The following HLTF variants were observed in gnomAD, a reference collection of about 807,000 sequenced individuals.
HLTF encodes helicase like transcription factor, also known as DNA-dependent ATPase/E3 ubiquitin-protein ligase HLTF.
A neutral mutation model predicts 129.4 loss-of-function variants in HLTF; 127 were observed. The ratio of observed to expected loss-of-function variants is 0.98; its 90% confidence interval spans 0.85 to 1.14. The LOEUF is 1.14. Among genes scored for constraint, HLTF ranks in the 50% most tolerant of loss-of-function variants. The pLI is 0.00. For missense variants in HLTF, 1,139 were observed against 1,187.1 expected (o/e 0.96, Z 0.60); for synonymous variants, 332 against 388.8 (o/e 0.85, Z 1.72).
At chr3:149,062,035 T>A (rs2108020683) in intron 10 of HLTF, among the ~76,000 whole-genome samples, 1 of 152,318 alleles carries the variant, frequency 6.6e-6, no homozygotes, top group East Asian at 1.9e-4. Flanking sequence ...TGCCTAGCTT[T>A]AAATCCTCAT....
chr3:149,082,904 T>C (rs1459701126), intron 2 of HLTF, among the ~76,000 whole-genome samples: 1 of 152,160 alleles, frequency 6.6e-6, no homozygotes, highest in African/African-American at 2.4e-5. Flanking sequence ...GAAGATAAGT[T>C]ATGGTTCTGG....
chr3:149,032,319 CT>C lies in HLTF; in HGVS notation c.2930del (p.Lys977ArgfsTer19), dbSNP rs1375295600. On this transcript the variant is annotated frameshift_variant, in exon 25 of 25. Coordinates refer to ENST00000310053, the MANE Select transcript of HLTF (RefSeq NM_003071.4). LOFTEE classifies it high-confidence loss of function. ...CAAAGGCTCCTGCTGCAAGTTCTCT[CT>C]TTTTGTTTTGTATTTTCAGCATATT... ...EENMLKIQNKKRELAAGAFGT... is the reference protein window; with the variant it reads ...EENMLKIQNKXRELAAGAFGT... 1.9e-6 allele frequency: 3 copies of C among 1,595,108 alleles called. No individual in the cohort carries two copies. The highest frequency in any genetic ancestry group is 8.5e-7 in the Non-Finnish European group (1 of 1,171,252).
At position 149,042,212 on chromosome 3, in the gene HLTF, G is replaced by T. The variant is rs1215353387; in HGVS notation, c.2151C>A (p.Cys717Ter). The T allele has an allele frequency of 3.4e-5, 55 of 1,613,226 alleles. No homozygotes were observed. Among genetic ancestry groups the T allele is most frequent in the Non-Finnish European group, 4.7e-5 (55 of 1,179,288 alleles). Residue 717 changes from cysteine (C) to a stop codon, truncating the protein, a stop_gained, in exon 19 of 25, where the codon TGC (cysteine) becomes TGA (stop). Transcript: ENST00000310053. LOFTEE classifies it high-confidence loss of function. ...CTGCATTTGTAAGAAGGTAAGTATG[G>T]CAACAAATTTGCCGCAGTCTAAGCA... The part of the protein sequence containing the change: ...GLLLRLRQIC[C>*]HTYLLTNAVS...
chr3:149,064,262 T>C (rs984505037), intron 9 of HLTF, among the ~76,000 whole-genome samples: 5 of 152,176 alleles, frequency 3.3e-5, no homozygotes, highest in African/African-American at 1.2e-4. Context: ...ACTTAAGTAA[T>C]AGCACCAATT....
At chr3:149,055,475 A>C (rs1717357430) in intron 13 of HLTF, 75 bp from the exon 14 acceptor site, 3 of 895,326 alleles carry the variant, frequency 3.4e-6, no homozygotes, top group Non-Finnish European at 5.5e-6. Flanking sequence ...GATGGCAATA[A>C]TGTGCCTCCA....
In HLTF at chr3:149,060,819, T is replaced by C. The variant is rs1188699055; in HGVS notation, c.1200A>G (p.Ser400=). Residue 400 remains serine, a synonymous_variant, in exon 11 of 25, where the codon TCA becomes TCG. Transcript: ENST00000310053. ...GCAATTCACTTGTTTCAATTTCCTC[T>C]GAATCACTGCTTTCTATGTACTGGA... is the stretch of plus-strand genomic sequence containing the variant. ...TAVQYIESSD[S]EEIETSELPQ... 1.5e-5 allele frequency: 24 copies of C among 1,613,606 alleles called. No homozygotes were observed. Among genetic ancestry groups the C allele is most frequent in the Admixed American group, 6.7e-5 (4 of 59,996 alleles).
At chr3:149,039,823 C>CA (rs1442980107) in intron 21 of HLTF, 130 bp from the exon 22 acceptor site, 1 of 666,882 alleles carries the variant, frequency 1.5e-6, no homozygotes, top group East Asian at 3.0e-5. Context: ...TCATTTAAAA[C>CA]AAAAAATTAA....
chr3:149,039,015 C>T lies in HLTF; in HGVS notation c.2796+34G>A, dbSNP rs141065324. The T allele has an allele frequency of 6.8e-4, 898 of 1,320,904 alleles. 4 individuals carry two copies. The African/African-American group carries it at 0.012, about 18-fold the overall frequency. 81.8% of individuals were successfully genotyped at this position (1,320,904 alleles called of 1,614,324 possible). A position where few individuals can be genotyped will look rare whatever the true frequency, so the allele number is the denominator to read the frequency against. Reference sequence around the variant, plus strand: ...TTGTCTTATTTTTTTGAAAGAAGTACTAAGATTCTGAAAAAATTTACAGAA... The same window carrying T: ...TTGTCTTATTTTTTTGAAAGAAGTATTAAGATTCTGAAAAAATTTACAGAA... On this transcript the variant is annotated intron_variant, in intron 23 of 24. Transcript: ENST00000310053.
At chr3:149,050,430 T>G in intron 14 of HLTF, 55 bp from the exon 15 acceptor site, 1 of 1,253,502 alleles carries the variant, frequency 8.0e-7, no homozygotes, top group Non-Finnish European at 1.1e-6. Context: ...TCAGACTTAA[T>G]AGATGTATAA....
At chr3:149,042,639 C>G (rs1217139941) in intron 18 of HLTF, among the ~76,000 whole-genome samples, 1 of 152,008 alleles carries the variant, frequency 6.6e-6, no homozygotes, top group Non-Finnish European at 1.5e-5. Flanking sequence ...AGGGTGCATG[C>G]TTGGTGACTT....
Position 149,084,779 on chromosome 3 carries a change from G to A in HLTF, c.131C>T (p.Pro44Leu), listed in dbSNP as rs1237542155. ...ATCACTAGTTAGAAAGTCATCTGGA[G>A]GGATAACATCTTGGAATTCAAAACG... ...FPRFEFQDVI[P>L]PDDFLTSDEE... is the part of the protein sequence containing the mutation. The change falls in exon 2 of 25, where the codon CCT becomes CTT. Residue 44 changes from proline (P) to leucine (L), a missense_variant. Physicochemically the swap from Pro to Leu is moderately conservative, Grantham distance 98. Transcript: ENST00000310053. The A allele has an allele frequency of 1.9e-6, 3 of 1,614,018 alleles. No individual in the cohort carries two copies. The highest frequency in any genetic ancestry group is 1.7e-6 in the Non-Finnish European group (2 of 1,179,930).
chr3:149,083,284 C>T (rs542538316), intron 2 of HLTF, among the ~76,000 whole-genome samples: 4 of 151,400 alleles, frequency 2.6e-5, no homozygotes, highest in African/African-American at 4.9e-5. Flanking sequence ...AAAGAACATG[C>T]ATTAATTATA....
rs1398316885 is a variant in HLTF at position 149,030,952 on chromosome 3, G to A, written c.*1268C>T. On this transcript the variant is annotated 3_prime_UTR_variant, in exon 25 of 25. Transcript: ENST00000310053. ...ATCAAATGACTTCCAACACTCTTAA[G>A]TCTCAGGTATTCTTAAATCTGTATC... 6.6e-6 allele frequency: 1 copy of A among 152,138 alleles called. No homozygotes were observed. Among genetic ancestry groups the A allele is most frequent in the African/African-American group, 2.4e-5 (1 of 41,426 alleles). 9.4% of individuals were successfully genotyped at this position (152,138 alleles called of 1,614,324 possible).
chr3:149,063,392 T>G (rs752915015), intron 10 of HLTF, 39 bp downstream of exon 10: 1 of 1,285,048 alleles, frequency 7.8e-7, no homozygotes, highest in Non-Finnish European at 1.1e-6. Context: ...AAACAGAGTC[T>G]AAATAAACAT....
At chr3:149,060,911 G>A in intron 10 of HLTF, 53 bp from the exon 11 acceptor site, 1 of 1,177,752 alleles carries the variant, frequency 8.5e-7, no homozygotes, top group Non-Finnish European at 1.2e-6. Flanking sequence ...AGCAAAATAA[G>A]ATATACAAAC....
chr3:149,049,117 C>T, intron 15 of HLTF, 116 bp from the exon 16 acceptor site: 1 of 595,074 alleles, frequency 1.7e-6, no homozygotes, highest in Non-Finnish European at 2.8e-6. Flanking sequence ...GTGCTAGGTA[C>T]TGCTTTAAGC....
At chr3:149,044,593 C>T (rs569784765) in intron 18 of HLTF, among the ~76,000 whole-genome samples, 1 of 152,212 alleles carries the variant, frequency 6.6e-6, no homozygotes, top group Admixed American at 6.5e-5. Flanking sequence ...TCCTATCCAA[C>T]TAATTATTTG....
At chr3:149,049,377 T>C (rs1576588013) in intron 15 of HLTF, among the ~76,000 whole-genome samples, 1 of 152,304 alleles carries the variant, frequency 6.6e-6, no homozygotes. Context: ...GTTGTAAGAA[T>C]TACTTGAATT....
intron 18 of HLTF, among the ~76,000 whole-genome samples, chr3:149,045,800 T>TTA (rs1716500589): frequency 6.6e-6 from 1 of 152,200 alleles, no homozygotes; most frequent in Non-Finnish European, 1.5e-5. Context: ...CCATACGATT[T>TTA]TGGAAATAGA....
Sources: allele counts gnomAD v4.1 joint callset (sites outside exome capture counted in the v4.1 genomes callset), GRCh38; gene constraint gnomAD v4.1.1; transcripts MANE v1.5; gene names NCBI Gene and HGNC (gene_info 2026-07-23, HGNC 2026-07-21).